The following SYNPR variants were observed in gnomAD, a reference collection of about 807,000 sequenced individuals.
SYNPR encodes synaptoporin.
Under a neutral mutation model 32.9 loss-of-function variants are expected in SYNPR, and 23 were observed. The ratio of observed to expected loss-of-function variants is 0.70; its 90% CI spans 0.50 to 0.99. The LOEUF (loss-of-function observed/expected upper bound fraction) is 0.99, where lower values mean the gene tolerates loss of function less well. SYNPR is among the 50% of genes least tolerant of loss of function. SYNPR has a pLI of 0.00. For missense variants in SYNPR, 318 were observed against 349.3 expected, an observed-to-expected ratio of 0.91 and a Z score of 0.71; for synonymous variants, 146 against 135.9, an observed-to-expected ratio of 1.07 and a Z score of -0.52.
At chr3:63,343,208 G>T (rs2087390354) in intron 2 of SYNPR, among the ~76,000 whole-genome samples, 1 of 152,208 alleles carries the variant, frequency 6.6e-6, no homozygotes, top group Admixed American at 6.5e-5. Flanking sequence ...ACGGGATGCA[G>T]TAGCTTTGGG....
chr3:63,280,020 C>A (rs1198828500), intron 2 of SYNPR, among the ~76,000 whole-genome samples: 2 of 152,204 alleles, frequency 1.3e-5, no homozygotes, highest in Non-Finnish European at 2.9e-5. Context: ...TGCCCGCATT[C>A]ATTCATTCAG....
intron 2 of SYNPR, among the ~76,000 whole-genome samples, chr3:63,368,699 T>C (rs2087756956): frequency 6.6e-6 from 1 of 152,192 alleles, no homozygotes; most frequent in Non-Finnish European, 1.5e-5. Context: ...GTGGCAGTGA[T>C]GGTGTGCAGT....
intron 2 of SYNPR, among the ~76,000 whole-genome samples, chr3:63,318,176 A>G (rs2087064330): frequency 6.6e-6 from 1 of 152,016 alleles, no homozygotes; most frequent in African/African-American, 2.4e-5. Context: ...TCTGTCTCAC[A>G]GCTTTTAAGA....
At chr3:63,587,002 T>C (rs1703196680) in intron 4 of SYNPR, among the ~76,000 whole-genome samples, 1 of 151,982 alleles carries the variant, frequency 6.6e-6, no homozygotes, top group South Asian at 2.1e-4. Context: ...TATTGCCAAA[T>C]AGGTTTGAAG....
intron 2 of SYNPR, among the ~76,000 whole-genome samples, chr3:63,292,809 A>T (rs1275015136): frequency 1.3e-5 from 2 of 152,256 alleles, no homozygotes; most frequent in Non-Finnish European, 2.9e-5. Context: ...GCACATGCAC[A>T]CATATGTTCT....
Position 63,540,962 on chromosome 3 carries a change from T to C in SYNPR, c.210-15581T>C, listed in dbSNP as rs7630870. ...ACACACACACACACACACACACACA[T>C]ATACATAGTACCTGACTGCAGCCTG... On this transcript the variant is annotated intron_variant, in intron 3 of 5. Transcript: ENST00000478300. Among the ~76,000 whole-genome samples, 839 of 94,750 alleles carry C rather than the reference T, an allele frequency of 8.9e-3. 8 individuals carry two copies. The highest frequency in any genetic ancestry group is 0.034 in the African/African-American group (754 of 21,896). The allele number at this position is 94,750 out of a possible 152,430, so 62.2% of individuals were successfully genotyped here. A position where few individuals can be genotyped will look rare whatever the true frequency, so the allele number is the denominator to read the frequency against.
intron 2 of SYNPR, among the ~76,000 whole-genome samples, chr3:63,386,290 G>A (rs1194946338): frequency 6.6e-6 from 1 of 152,206 alleles, no homozygotes; most frequent in Non-Finnish European, 1.5e-5. Context: ...AATCTTGGCT[G>A]TAGCTACTGA....
chr3:63,394,709 C>A (rs565765213), intron 2 of SYNPR, among the ~76,000 whole-genome samples: 21 of 152,134 alleles, frequency 1.4e-4, no homozygotes, highest in Non-Finnish European at 2.6e-4. Context: ...TATAACCATA[C>A]AAAGCTAAAA....
At chr3:63,266,204 GAGA>G (rs1301510280) in intron 2 of SYNPR, among the ~76,000 whole-genome samples, 1 of 152,056 alleles carries the variant, frequency 6.6e-6, no homozygotes, top group African/African-American at 2.4e-5. Context: ...GCACAGGAAA[GAGA>G]AGAAGTTATA....
intron 2 of SYNPR, among the ~76,000 whole-genome samples, chr3:63,436,309 T>G (rs988507836): frequency 2.6e-5 from 4 of 151,286 alleles, no homozygotes; most frequent in African/African-American, 9.7e-5. Context: ...ATTAGGTATA[T>G]CTCCTAATGC....
intron 2 of SYNPR, among the ~76,000 whole-genome samples, chr3:63,281,440 G>A (rs2086629636): frequency 6.6e-6 from 1 of 152,164 alleles, no homozygotes; most frequent in Non-Finnish European, 1.5e-5. Context: ...ACCATAAACT[G>A]GATAGCTTAT....
rs910038342 is a variant in SYNPR, at chr3:63,443,160, G to A, written c.85-37672G>A. ...TGGCAGCCACCTCCCCACCAAGCAG[G>A]CAGCGTTCACCAGAGGGGAGTATCA... On this transcript the variant is annotated intron_variant, in intron 2 of 5. Coordinates refer to ENST00000478300, the MANE Select transcript of SYNPR (RefSeq NM_001130003.2). 16 of 1,180,664 alleles carry A rather than the reference G, an allele frequency of 1.4e-5. No homozygotes were observed. The Admixed American group carries it at 6.0e-4, about 44-fold the overall frequency. The allele number at this position is 1,180,664 out of a possible 1,614,324, so 73.1% of individuals were successfully genotyped here.
chr3:63,586,658 G>C (rs1250092060), intron 4 of SYNPR, among the ~76,000 whole-genome samples: 1 of 149,422 alleles, frequency 6.7e-6, no homozygotes, highest in Non-Finnish European at 1.5e-5. Flanking sequence ...GATTCAATGT[G>C]TGTGTGTGTG....
intron 2 of SYNPR, among the ~76,000 whole-genome samples, chr3:63,403,285 A>G (rs996467356): frequency 4.6e-4 from 70 of 152,242 alleles, no homozygotes; most frequent in African/African-American, 1.6e-3. Context: ...TATTGCATAA[A>G]TGGATTTGAA....
chr3:63,223,954 TG>T (rs368392217), upstream of SYNPR, among the ~76,000 whole-genome samples: 74 of 152,334 alleles, frequency 4.9e-4, no homozygotes, highest in African/African-American at 1.7e-3. Flanking sequence ...TGTATCTTCT[TG>T]TTGCATAAAT....
At chr3:63,455,346 T>A (rs1319164179) in intron 2 of SYNPR, among the ~76,000 whole-genome samples, 2 of 152,166 alleles carry the variant, frequency 1.3e-5, no homozygotes, top group Non-Finnish European at 2.9e-5. Context: ...CTGATTAATT[T>A]TCCAGTCTTA....
At chr3:63,572,302 T>C (rs575206490) in intron 4 of SYNPR, among the ~76,000 whole-genome samples, 5 of 152,238 alleles carry the variant, frequency 3.3e-5, no homozygotes, top group Admixed American at 3.3e-4. Flanking sequence ...TCCTCCTTCC[T>C]CTTCTTATTC....
At chr3:63,269,662 C>G (rs561306762) in intron 3 of SYNPR, among the ~76,000 whole-genome samples, 7 of 152,098 alleles carry the variant, frequency 4.6e-5, no homozygotes, top group African/African-American at 1.7e-4. Context: ...TAAGGACATT[C>G]TGTACCACAA....
At chr3:63,459,348 C>T (rs112030027) in intron 2 of SYNPR, among the ~76,000 whole-genome samples, 1 of 152,062 alleles carries the variant, frequency 6.6e-6, no homozygotes, top group African/African-American at 2.4e-5. Flanking sequence ...TCTGACCCAC[C>T]TCCATAACTC....
Sources: gnomAD v4.1 joint callset for allele counts (sites outside exome capture counted in the v4.1 genomes callset) on GRCh38, gnomAD v4.1.1 for gene constraint, MANE v1.5 for transcripts, NCBI Gene and HGNC (gene_info 2026-07-23, HGNC 2026-07-21) for gene names.